The following FER variants were observed in gnomAD, a reference collection of about 807,000 sequenced individuals.
FER encodes FER tyrosine kinase.
FER carries 63 observed loss-of-function variants against 111.0 expected under a neutral mutation model. The ratio of observed to expected loss-of-function variants is 0.57; its 90% CI spans 0.46 to 0.70. The LOEUF is 0.70. Among genes scored for constraint, FER ranks in the 30% least tolerant of loss-of-function variants. FER has a pLI of 0.00. For missense variants in FER, 914 were observed against 954.0 expected, an observed-to-expected ratio of 0.96 and a Z score of 0.55; for synonymous variants, 327 against 313.9, an observed-to-expected ratio of 1.04 and a Z score of -0.44.
intron 17 of FER, among the ~76,000 whole-genome samples, chr5:109,167,806 G>A (rs971585574): frequency 6.6e-6 from 1 of 152,106 alleles, no homozygotes; most frequent in Non-Finnish European, 1.5e-5. Flanking sequence ...TTGTGGACTA[G>A]GATTGTTGCC....
chr5:108,932,056 A>G (rs1235205194), intron 10 of FER, among the ~76,000 whole-genome samples: 1 of 151,608 alleles, frequency 6.6e-6, no homozygotes, highest in Non-Finnish European at 1.5e-5. Context: ...AAGTTCTGGG[A>G]TACATGTGCA....
intron 3 of FER, among the ~76,000 whole-genome samples, chr5:108,822,427 C>T (rs2150107472): frequency 6.6e-6 from 1 of 152,236 alleles, no homozygotes; most frequent in Middle Eastern, 3.4e-3. Flanking sequence ...AGGTCATCAC[C>T]CTGGCTTCCG....
Position 109,194,009 on chromosome 5 carries a change from G to C in FER, c.*6434G>C, listed in dbSNP as rs1426792024. 6.6e-6 allele frequency: 1 copy of C among 152,176 alleles called. No homozygotes were observed. Among genetic ancestry groups the C allele is most frequent in the East Asian group, 1.9e-4 (1 of 5,196 alleles). The allele number at this position is 152,176 out of a possible 1,614,324, so 9.4% of individuals were successfully genotyped here. A position where few individuals can be genotyped will look rare whatever the true frequency, so the allele number is the denominator to read the frequency against. ...ACTAACACTATCAGTAGAAGCTCTTGAGAGATTTTCCTAACGCAGCAAGAT... is the reference window on the plus strand; with the variant it reads ...ACTAACACTATCAGTAGAAGCTCTTCAGAGATTTTCCTAACGCAGCAAGAT... On this transcript the variant is annotated 3_prime_UTR_variant, in exon 20 of 20. Transcript: ENST00000281092.
intron 13 of FER, among the ~76,000 whole-genome samples, chr5:108,961,626 T>G (rs1214437514): frequency 2.0e-5 from 3 of 152,210 alleles, no homozygotes; most frequent in Non-Finnish European, 4.4e-5. Context: ...TCTAAAGTAC[T>G]GGTATTTGAA....
chr5:109,103,649 T>C (rs902186642), intron 17 of FER, among the ~76,000 whole-genome samples: 1 of 152,208 alleles, frequency 6.6e-6, no homozygotes, highest in African/African-American at 2.4e-5. Flanking sequence ...TTTAAAACTA[T>C]TCTGTAGGCC....
chr5:108,878,140 C>G (rs377153072), intron 8 of FER, among the ~76,000 whole-genome samples: 1 of 152,048 alleles, frequency 6.6e-6, no homozygotes, highest in East Asian at 1.9e-4. Context: ...CTCCTGACCT[C>G]AACTGATCTA....
At chr5:108,918,778 C>T (rs917920129) in intron 10 of FER, among the ~76,000 whole-genome samples, 3 of 151,214 alleles carry the variant, frequency 2.0e-5, no homozygotes, top group Non-Finnish European at 2.9e-5. Flanking sequence ...TGAGCCACCG[C>T]GCCCCGCCTT....
chr5:109,067,940 A>T (rs1243742179), intron 16 of FER, among the ~76,000 whole-genome samples: 1 of 152,182 alleles, frequency 6.6e-6, no homozygotes, highest in Non-Finnish European at 1.5e-5. Context: ...ATAGGAGATG[A>T]GTTTACAAAT....
chr5:108,882,802 C>A (rs1421458315), intron 8 of FER, among the ~76,000 whole-genome samples: 3 of 151,588 alleles, frequency 2.0e-5, no homozygotes, highest in Non-Finnish European at 4.4e-5. Flanking sequence ...GGACTCAATG[C>A]ATTTTATACA....
At chr5:109,053,199 C>G (rs1396331961) in intron 16 of FER, among the ~76,000 whole-genome samples, 1 of 151,946 alleles carries the variant, frequency 6.6e-6, no homozygotes, top group East Asian at 1.9e-4. Flanking sequence ...GCCTGGCCAA[C>G]ATAGCGAAAC....
At chr5:108,775,017 T>G (rs1431793860) in intron 2 of FER, among the ~76,000 whole-genome samples, 2 of 152,244 alleles carry the variant, frequency 1.3e-5, no homozygotes, top group African/African-American at 4.8e-5. Flanking sequence ...AGAATTTTTA[T>G]GGTTTTGGGT....
chr5:109,147,768 C>T (rs1754378989), intron 17 of FER, among the ~76,000 whole-genome samples: 1 of 136,308 alleles, frequency 7.3e-6, no homozygotes. Context: ...AGAGAACACA[C>T]ACACACACAT....
At position 108,798,159 on chromosome 5, in the gene FER, G is replaced by A; in HGVS notation, c.-24G>A. 1 of 1,591,452 alleles carries A rather than the reference G, an allele frequency of 6.3e-7. No homozygotes were observed. Among genetic ancestry groups the A allele is most frequent in the East Asian group, 2.2e-5 (1 of 44,718 alleles). The stretch of plus-strand genomic sequence containing the variant: ...ATTAGAAGGCTCACTTGTGCAGTGT[G>A]GAGGATAACCAGTGCCTTACAAAAT... On this transcript the variant is annotated 5_prime_UTR_variant, in exon 3 of 20. Transcript: ENST00000281092.
At chr5:109,119,485 G>T (rs1750689600) in intron 17 of FER, among the ~76,000 whole-genome samples, 1 of 152,154 alleles carries the variant, frequency 6.6e-6, no homozygotes, top group Non-Finnish European at 1.5e-5. Flanking sequence ...TGTATATTCT[G>T]TTGATTTGGG....
intron 14 of FER, among the ~76,000 whole-genome samples, chr5:109,041,332 C>T (rs906476843): frequency 1.3e-5 from 2 of 151,584 alleles, no homozygotes; most frequent in Admixed American, 6.6e-5. Flanking sequence ...AATTATTGAC[C>T]ATGGAATTTA....
At chr5:108,935,149 A>G (rs974630418) in intron 10 of FER, among the ~76,000 whole-genome samples, 2 of 152,086 alleles carry the variant, frequency 1.3e-5, no homozygotes, top group African/African-American at 2.4e-5. Flanking sequence ...AAAAATTACC[A>G]CAAATTTGGT....
intron 14 of FER, 91 bp downstream of exon 14, chr5:109,037,569 A>G (rs1770575908): frequency 9.9e-7 from 1 of 1,011,028 alleles, no homozygotes; most frequent in African/African-American, 1.6e-5. Flanking sequence ...CTTTTCTTAT[A>G]TTGCCACAAG....
In FER at chr5:108,976,985, T is replaced by C. The variant is rs148853265; in HGVS notation, c.1656+17638T>C. On this transcript the variant is annotated intron_variant, in intron 13 of 19. Transcript: ENST00000281092. ...GTTTATGGTATTGCATAAAACATGA[T>C]GAAAAATTCACAAGAACCACAAGAG... Among the ~76,000 whole-genome samples the C allele has an allele frequency of 4.4e-4, 67 of 152,298 alleles. 1 individual carries two copies. Among genetic ancestry groups the C allele is most frequent in the African/African-American group, 1.5e-3 (62 of 41,560 alleles).
In FER at chr5:108,872,837, T is replaced by G. The variant is rs935861909; in HGVS notation, c.923+625T>G. Among the ~76,000 whole-genome samples the G allele has an allele frequency of 3.9e-5, 6 of 152,350 alleles. No homozygotes were observed. The East Asian group carries it at 5.8e-4, about 15-fold the overall frequency. On this transcript the variant is annotated intron_variant, in intron 8 of 19. Transcript: ENST00000281092. ...TCTAAATATTTAACCTATCTCTTGA[T>G]TTTGTGTGGGAGCAACACAAGGAAA... is the stretch of plus-strand genomic sequence containing the variant.
Sources: allele counts gnomAD v4.1 joint callset (sites outside exome capture counted in the v4.1 genomes callset), GRCh38; gene constraint gnomAD v4.1.1; transcripts MANE v1.5; gene names NCBI Gene and HGNC (gene_info 2026-07-23, HGNC 2026-07-21).